The following AHDC1 variants were observed in gnomAD, a reference collection of about 807,000 sequenced individuals.
AHDC1 encodes AT-hook DNA binding motif containing 1, also known as transcription factor Gibbin.
Under a neutral mutation model 87.9 loss-of-function variants are expected in AHDC1, and 7 were observed. That is an observed-to-expected ratio of 0.08 (90% confidence interval 0.05 to 0.15). The LOEUF (loss-of-function observed/expected upper bound fraction) is 0.15, where lower values mean the gene tolerates loss of function less well. Ranked by LOEUF, AHDC1 falls within the 10% of genes least tolerant of loss-of-function variation. AHDC1 has a pLI of 1.00. For synonymous variants in AHDC1, 1,051 were observed against 1,006.8 expected, an observed-to-expected ratio of 1.04 and a Z score of -0.83; for missense variants, 1,841 against 2,253.2, an observed-to-expected ratio of 0.82 and a Z score of 3.70.
intron 8 of AHDC1, among the ~76,000 whole-genome samples, chr1:27,539,143 T>TA (rs1332610386): frequency 3.7e-4 from 55 of 149,786 alleles, no homozygotes; most frequent in African/African-American, 1.3e-3. Context: ...CTTTTCTTTT[T>TA]TTTTTTTTTT....
intron 3 of AHDC1, among the ~76,000 whole-genome samples, chr1:27,580,308 C>T (rs1287171006): frequency 6.6e-6 from 1 of 152,198 alleles, no homozygotes; most frequent in Non-Finnish European, 1.5e-5. Flanking sequence ...GGGACAGATA[C>T]CAAGCCCTCT....
At chr1:27,603,324 G>T (rs2089594356) in intron 3 of AHDC1, 73 bp downstream of exon 3, 1 of 151,902 alleles carries the variant, frequency 6.6e-6, no homozygotes, top group South Asian at 2.1e-4. Flanking sequence ...GGCCCCCCCC[G>T]TGCGCTGCAC....
At chr1:27,602,823 C>G (rs1049909244) in intron 3 of AHDC1, among the ~76,000 whole-genome samples, 2 of 152,154 alleles carry the variant, frequency 1.3e-5, no homozygotes, top group African/African-American at 2.4e-5. Flanking sequence ...CCCCACACCC[C>G]CTCCGGGTCA....
intron 3 of AHDC1, among the ~76,000 whole-genome samples, chr1:27,584,028 G>A (rs186379662): frequency 1.1e-4 from 16 of 152,294 alleles, no homozygotes. Flanking sequence ...GCACCCAGCA[G>A]GTGCTTCATA....
At chr1:27,566,247 G>A (rs1219500147) in intron 3 of AHDC1, among the ~76,000 whole-genome samples, 1 of 152,160 alleles carries the variant, frequency 6.6e-6, no homozygotes, top group African/African-American at 2.4e-5. Flanking sequence ...GGACACTGAG[G>A]CAAGAGAAAC....
Position 27,549,891 on chromosome 1 carries a change from C to T in AHDC1, c.2225G>A (p.Arg742Lys). 1.2e-6 allele frequency: 2 copies of T among 1,613,720 alleles called. No individual in the cohort carries two copies. The highest frequency in any genetic ancestry group is 8.5e-7 in the Non-Finnish European group (1 of 1,179,868). ...CAGAGTCCCATTCTTCCGGGACCGTCTCTTGCGCTTTGGCTTCCCAGTCAC... is the reference window on the plus strand; with the variant it reads ...CAGAGTCCCATTCTTCCGGGACCGTTTCTTGCGCTTTGGCTTCCCAGTCAC... ...DAVTGKPKRK[R>K]RSRKNGTLFP... Residue 742 changes from arginine (R) to lysine (K), a missense_variant, in exon 8 of 9, where the codon AGA (arginine) becomes AAA (lysine). This residue lies in a region of AHDC1 where 236 missense variants were observed against 257.9 expected (regional missense o/e 0.92). Transcript: ENST00000673934.
intron 3 of AHDC1, among the ~76,000 whole-genome samples, chr1:27,599,620 C>T (rs1161664042): frequency 6.6e-6 from 1 of 152,190 alleles, no homozygotes; most frequent in Non-Finnish European, 1.5e-5. Flanking sequence ...TCTCGTCAAA[C>T]AAGTGGGGGG....
rs1056624035 is a variant in AHDC1, at chr1:27,593,568, C to T, written c.-629+9829G>A. On this transcript the variant is annotated intron_variant, in intron 3 of 8. Transcript: ENST00000673934. This position sits in a 1 kb window ranked among gnomAD's most constrained non-coding sequence, Gnocchi z 4.9. ...CTGCCCCAGTCCCACAGCCACGGCT[C>T]CAGCTGGGGTCAGGCATGCCAGCTG... Among the ~76,000 whole-genome samples, 4 of 152,230 alleles carry T rather than the reference C, an allele frequency of 2.6e-5. No individual in the cohort carries two copies. Among genetic ancestry groups the T allele is most frequent in the African/African-American group, 4.8e-5 (2 of 41,456 alleles).
intron 3 of AHDC1, among the ~76,000 whole-genome samples, chr1:27,578,600 GAA>G (rs961940557): frequency 1.3e-5 from 2 of 151,364 alleles, no homozygotes; most frequent in African/African-American, 4.9e-5. Context: ...AAAAAAAAAA[GAA>G]AGATAAATTG....
intron 3 of AHDC1, among the ~76,000 whole-genome samples, chr1:27,577,302 C>T (rs1408309188): frequency 1.3e-5 from 2 of 152,218 alleles, no homozygotes; most frequent in Non-Finnish European, 2.9e-5. Flanking sequence ...GGTCGGTTGC[C>T]CCACTGCAGC....
intron 3 of AHDC1, among the ~76,000 whole-genome samples, chr1:27,599,867 C>T (rs1310147680): frequency 6.6e-6 from 1 of 151,934 alleles, no homozygotes; most frequent in Non-Finnish European, 1.5e-5. Context: ...AATCTGTCTC[C>T]CCATTCTCCC....
At chr1:27,544,764 C>T (rs2019090751) in intron 8 of AHDC1, among the ~76,000 whole-genome samples, 2 of 152,232 alleles carry the variant, frequency 1.3e-5, no homozygotes, top group Non-Finnish European at 2.9e-5. Context: ...GCCGTCCCAC[C>T]ACCTTGGCCT....
chr1:27,548,804 C>T lies in AHDC1; in HGVS notation c.3312G>A (p.Gly1104=). The T allele has an allele frequency of 6.2e-7, 1 of 1,612,818 alleles. No individual in the cohort carries two copies. The highest frequency in any genetic ancestry group is 8.5e-7 in the Non-Finnish European group (1 of 1,179,788). ...PSPENCRQFA[G]ASQWPFRQGY... ...CCTGCCGGAAAGGCCACTGAGAAGC[C>T]CCCGCAAACTGCCGACAGTTCTCGG... Residue 1104 remains glycine (G), a synonymous_variant, in exon 8 of 9, where the codon GGG becomes GGA. Transcript: ENST00000673934.
At chr1:27,602,358 C>T (rs2089552971) in intron 3 of AHDC1, among the ~76,000 whole-genome samples, 1 of 152,334 alleles carries the variant, frequency 6.6e-6, no homozygotes, top group African/African-American at 2.4e-5. Context: ...ATCCTTCCTC[C>T]CTCAGCTGGC....
In AHDC1 at chr1:27,547,389, C is replaced by G; in HGVS notation, c.4727G>C (p.Gly1576Ala). Reference protein sequence around the residue: ...YPGFMPQAHPGLGGGPKSGFL... With the variant: ...YPGFMPQAHPALGGGPKSGFL... The stretch of plus-strand genomic sequence containing the variant: ...GCCGCTCTTGGGGCCCCCACCCAGG[C>G]CAGGATGCGCCTGGGGCATAAAGCC... The change falls in exon 8 of 9, where the codon GGC (glycine) becomes GCC (alanine). Residue 1576 changes from glycine to alanine, a missense_variant. By Grantham distance (60) the Gly-to-Ala change is moderately conservative. Transcript: ENST00000673934. The surrounding 1 kb of genome is among the most constrained non-coding windows in gnomAD (Gnocchi z 4.9). 6.4e-7 allele frequency: 1 copy of G among 1,562,186 alleles called. No individual in the cohort carries two copies.
At chr1:27,542,780 G>A (rs956137088) in intron 8 of AHDC1, among the ~76,000 whole-genome samples, 2 of 152,228 alleles carry the variant, frequency 1.3e-5, no homozygotes, top group Admixed American at 1.3e-4. Flanking sequence ...TAAGAAAGAA[G>A]AAGGGTGAGT....
chr1:27,547,957 G>T lies in AHDC1; in HGVS notation c.4159C>A (p.Pro1387Thr), dbSNP rs754016013. 1.3e-6 allele frequency: 2 copies of T among 1,597,050 alleles called. No homozygotes were observed. The highest frequency in any genetic ancestry group is 2.7e-5 in the African/African-American group (2 of 74,718). The change falls in exon 8 of 9, where the codon CCC becomes ACC. Residue 1387 changes from proline to threonine, a missense_variant. Physicochemically the swap from Pro to Thr is conservative, Grantham distance 38. Around this residue, in one of 13 missense-constraint regions of AHDC1, gnomAD observed 505 missense variants for 626.2 expected, o/e 0.81. Transcript: ENST00000673934. This position sits in a 1 kb window ranked among gnomAD's most constrained non-coding sequence, Gnocchi z 4.9. ...GKHFPPLAHP[P>T]TVFDAGLQKA... is the part of the protein sequence containing the mutation. Reference sequence around the variant, plus strand: ...TGCAGGCCGGCGTCAAACACCGTGGGTGGGTGGGCCAGCGGTGGGAAATGC... The same window carrying T: ...TGCAGGCCGGCGTCAAACACCGTGGTTGGGTGGGCCAGCGGTGGGAAATGC...
intron 5 of AHDC1, among the ~76,000 whole-genome samples, chr1:27,556,333 A>C (rs2019815747): frequency 7.0e-6 from 1 of 143,660 alleles, no homozygotes; most frequent in Admixed American, 7.2e-5. Context: ...CTCCTCCCCC[A>C]CCATTTCCCT....
At chr1:27,538,269 G>A (rs2018736293) in intron 8 of AHDC1, among the ~76,000 whole-genome samples, 1 of 151,794 alleles carries the variant, frequency 6.6e-6, no homozygotes, top group African/African-American at 2.4e-5. Flanking sequence ...AGGTGTGGTG[G>A]CACACACCCT....
Sources: allele counts gnomAD v4.1 joint callset (sites outside exome capture counted in the v4.1 genomes callset), GRCh38; gene constraint gnomAD v4.1.1; regional missense constraint gnomAD v4.1.1; non-coding constraint Gnocchi (gnomAD v3.1); transcripts MANE v1.5; gene names NCBI Gene and HGNC (gene_info 2026-07-23, HGNC 2026-07-21).